GRIA2: variants seen among roughly 807,000 people sequenced by gnomAD.
GRIA2 encodes glutamate ionotropic receptor AMPA type subunit 2.
GRIA2 carries 14 observed loss-of-function variants against 97.3 expected under a neutral mutation model. The ratio of observed to expected loss-of-function variants is 0.14; its 90% CI spans 0.10 to 0.23. The LOEUF (loss-of-function observed/expected upper bound fraction) is 0.23, where lower values mean the gene tolerates loss of function less well. Ranked by LOEUF, GRIA2 falls within the 10% of genes least tolerant of loss-of-function variation. GRIA2 has a pLI of 1.00. For synonymous variants in GRIA2, 412 were observed against 387.8 expected (o/e 1.06, Z -0.73); for missense variants, 558 against 1,069.8 (o/e 0.52, Z 6.67).
chr4:157,356,692 T>G (rs537286769), intron 12 of GRIA2, among the ~76,000 whole-genome samples: 1 of 152,284 alleles, frequency 6.6e-6, no homozygotes, highest in East Asian at 1.9e-4. Context: ...TCCAAAATTT[T>G]AACAGGAAAT....
At chr4:157,284,003 T>C (rs186229351) in intron 2 of GRIA2, among the ~76,000 whole-genome samples, 1 of 152,000 alleles carries the variant, frequency 6.6e-6, no homozygotes, top group African/African-American at 2.4e-5. Flanking sequence ...GCAGCATTAA[T>C]ATAGTAAATT....
chr4:157,223,223 C>T (rs1729587840), intron 2 of GRIA2, among the ~76,000 whole-genome samples: 1 of 152,126 alleles, frequency 6.6e-6, no homozygotes, highest in South Asian at 2.1e-4. Context: ...ACTACTGTCA[C>T]CCGGACGAAT....
chr4:157,251,173 G>C (rs1366654330), intron 2 of GRIA2, among the ~76,000 whole-genome samples: 1 of 152,062 alleles, frequency 6.6e-6, no homozygotes, highest in Non-Finnish European at 1.5e-5. Context: ...AACTAGAGGA[G>C]AGACAGGGGC....
intron 2 of GRIA2, among the ~76,000 whole-genome samples, chr4:157,287,479 C>G (rs373273472): frequency 6.7e-4 from 102 of 151,580 alleles, no homozygotes; most frequent in African/African-American, 2.3e-3. Context: ...TGTTGGAATC[C>G]TAGGTGTCCT....
chr4:157,330,692 A>G (rs1327740821), intron 6 of GRIA2, among the ~76,000 whole-genome samples: 1 of 152,040 alleles, frequency 6.6e-6, no homozygotes, highest in Non-Finnish European at 1.5e-5. Flanking sequence ...GTCTCAATAA[A>G]TATACATTTA....
chr4:157,322,227 GAA>G (rs1412524488), intron 6 of GRIA2, among the ~76,000 whole-genome samples: 160 of 125,960 alleles, frequency 1.3e-3, no homozygotes, highest in Non-Finnish European at 2.3e-3. Context: ...GAGAGAGTGA[GAA>G]AGAGAGAGAG....
chr4:157,363,486 A>T lies in GRIA2; in HGVS notation c.*55A>T. 1 of 1,240,254 alleles carries T rather than the reference A, an allele frequency of 8.1e-7. No individual in the cohort carries two copies. Among genetic ancestry groups the T allele is most frequent in the African/African-American group, 1.5e-5 (1 of 64,608 alleles). The allele number at this position is 1,240,254 out of a possible 1,614,324, so 76.8% of individuals were successfully genotyped here. ...CAAGGCAAGGCTGTCAATTACAGGA[A>T]GTACTGGAGAAAATGGACGTGTTAT... On this transcript the variant is annotated 3_prime_UTR_variant, in exon 16 of 16. Transcript: ENST00000264426.
At chr4:157,258,298 C>G (rs1731370676) in intron 2 of GRIA2, among the ~76,000 whole-genome samples, 1 of 152,018 alleles carries the variant, frequency 6.6e-6, no homozygotes, top group South Asian at 2.1e-4. Flanking sequence ...TTTTTCTCAG[C>G]AAGAAACATC....
intron 2 of GRIA2, among the ~76,000 whole-genome samples, chr4:157,289,618 T>C (rs1427597512): frequency 6.6e-6 from 1 of 151,850 alleles, no homozygotes; most frequent in Non-Finnish European, 1.5e-5. Context: ...TGTTTTCTTG[T>C]GACTTGTGAC....
chr4:157,278,507 A>T (rs1290851284), intron 2 of GRIA2, among the ~76,000 whole-genome samples: 1 of 151,982 alleles, frequency 6.6e-6, no homozygotes, highest in African/African-American at 2.4e-5. Context: ...AAAGCACAAA[A>T]CTATAAATTC....
chr4:157,352,184 C>A (rs1372711167), intron 12 of GRIA2, among the ~76,000 whole-genome samples: 3 of 152,110 alleles, frequency 2.0e-5, no homozygotes, highest in Admixed American at 2.0e-4. Flanking sequence ...TTTACCAAAA[C>A]ATTTTTAATC....
At chr4:157,299,497 TACTC>T (rs1353445957) in intron 2 of GRIA2, among the ~76,000 whole-genome samples, 1 of 152,138 alleles carries the variant, frequency 6.6e-6, no homozygotes, top group Non-Finnish European at 1.5e-5. Context: ...AAAAAAAACA[TACTC>T]AGTTCTTCTC....
In GRIA2 at chr4:157,304,185, GC is replaced by G. The variant is rs577927339; in HGVS notation, c.469+395del. The stretch of plus-strand genomic sequence containing the variant: ...ATACAGTTATTAAATATTGTTATAT[GC>G]AAAAGTTTTATCAGGCAGGTAGCAT... On this transcript the variant is annotated intron_variant, in intron 3 of 15. Coordinates refer to ENST00000264426, the MANE Select transcript of GRIA2 (RefSeq NM_001083619.3). 2.2e-4 allele frequency among the ~76,000 whole-genome samples: 33 copies of G among 152,242 alleles called. 1 individual carries two copies. The South Asian group carries it at 6.0e-3, about 28-fold the overall frequency.
At chr4:157,335,162 A>G in intron 9 of GRIA2, 1 of 165,000 alleles carries the variant, frequency 6.1e-6, no homozygotes, top group Admixed American at 5.6e-5. Context: ...CGGGGGTAGA[A>G]TCAGTACATC....
At position 157,309,349 on chromosome 4, in the gene GRIA2, G is replaced by GTTT. The variant is rs747461041; in HGVS notation, c.470-3312_470-3310dup. ...GTTTGAAAGTCAGAGAAATTTCTTG[G>GTTT]TTTTTTTTTTTTTTTTTTTTGAAAT... On this transcript the variant is annotated intron_variant, in intron 3 of 15. Coordinates refer to ENST00000264426, the MANE Select transcript of GRIA2 (RefSeq NM_001083619.3). Among the ~76,000 whole-genome samples, 169 of 130,670 alleles carry GTTT rather than the reference G, an allele frequency of 1.3e-3. 1 individual carries two copies. The highest frequency in any genetic ancestry group is 4.2e-3 in the African/African-American group (149 of 35,090). The allele number at this position is 130,670 out of a possible 152,430, so 85.7% of individuals were successfully genotyped here. A position where few individuals can be genotyped will look rare whatever the true frequency, so the allele number is the denominator to read the frequency against.
intron 2 of GRIA2, among the ~76,000 whole-genome samples, chr4:157,295,610 G>C (rs1733311410): frequency 6.6e-6 from 1 of 152,108 alleles, no homozygotes; most frequent in African/African-American, 2.4e-5. Flanking sequence ...GCCAGGTCCA[G>C]AATGGGAAAT....
At chr4:157,334,353 CT>C in intron 9 of GRIA2, 1 of 407,876 alleles carries the variant, frequency 2.5e-6, no homozygotes, top group South Asian at 3.0e-5. Context: ...AATTCCTACC[CT>C]GGTGCTTACA....
intron 2 of GRIA2, among the ~76,000 whole-genome samples, chr4:157,242,685 C>T (rs1730560576): frequency 6.6e-6 from 1 of 152,048 alleles, no homozygotes; most frequent in Non-Finnish European, 1.5e-5. Context: ...AACCATTGCT[C>T]CTAGGGGAAA....
intron 12 of GRIA2, among the ~76,000 whole-genome samples, chr4:157,346,179 A>G (rs1482443064): frequency 6.6e-6 from 1 of 152,094 alleles, no homozygotes; most frequent in Non-Finnish European, 1.5e-5. Context: ...ACACTTATTT[A>G]TATTTACATA....
Sources: gnomAD v4.1 joint callset for allele counts (sites outside exome capture counted in the v4.1 genomes callset) on GRCh38, gnomAD v4.1.1 for gene constraint, MANE v1.5 for transcripts, NCBI Gene and HGNC (gene_info 2026-07-23, HGNC 2026-07-21) for gene names.